GSG1L: variants seen among roughly 807,000 people sequenced by gnomAD.
GSG1L encodes the protein germ cell-specific gene 1-like protein.
Under a neutral mutation model 42.1 loss-of-function variants are expected in GSG1L, and 24 were observed. That is an observed-to-expected ratio of 0.57 (90% CI 0.41 to 0.80). The LOEUF is 0.80. Among genes scored for constraint, GSG1L ranks in the 30% least tolerant of loss-of-function variants. GSG1L has a pLI of 0.00. For missense variants in GSG1L, 445 were observed against 472.2 expected, an observed-to-expected ratio of 0.94 and a Z score of 0.53; for synonymous variants, 215 against 203.5, an observed-to-expected ratio of 1.06 and a Z score of -0.48.
intron 3 of GSG1L, among the ~76,000 whole-genome samples, chr16:27,860,129 C>T (rs1302644505): frequency 1.3e-5 from 2 of 152,196 alleles, no homozygotes; most frequent in Non-Finnish European, 2.9e-5. Context: ...TGCTGAGAAA[C>T]AGGCAAGAGA....
chr16:27,865,639 ATG>A (rs1192603680), intron 3 of GSG1L, among the ~76,000 whole-genome samples: 1 of 145,408 alleles, frequency 6.9e-6, no homozygotes, highest in African/African-American at 2.5e-5. Flanking sequence ...GTGTGTATAT[ATG>A]TGTGTGTATG....
At chr16:27,837,451 G>A (rs564731947) in intron 4 of GSG1L, among the ~76,000 whole-genome samples, 12 of 152,284 alleles carry the variant, frequency 7.9e-5, no homozygotes, top group African/African-American at 2.6e-4. Flanking sequence ...GGGGGTGGGA[G>A]TTCTGACTCC....
chr16:27,887,976 C>G, intron 2 of GSG1L: 2 of 498,950 alleles, frequency 4.0e-6, no homozygotes, highest in Non-Finnish European at 5.2e-6. Flanking sequence ...CAGCGGGGAG[C>G]AAAGCAGGAA....
At chr16:27,965,083 A>G (rs1390757770) in intron 1 of GSG1L, among the ~76,000 whole-genome samples, 1 of 152,138 alleles carries the variant, frequency 6.6e-6, no homozygotes, top group African/African-American at 2.4e-5. Context: ...CAGTGGTGCA[A>G]TCTCGGCTCA....
intron 6 of GSG1L, among the ~76,000 whole-genome samples, chr16:27,802,044 C>A (rs997193351): frequency 6.6e-6 from 1 of 152,016 alleles, no homozygotes; most frequent in Non-Finnish European, 1.5e-5. Flanking sequence ...CTGGCTAAGT[C>A]CCCCCTTCCT....
At chr16:28,041,405 T>C (rs999884310) in intron 1 of GSG1L, among the ~76,000 whole-genome samples, 1 of 151,904 alleles carries the variant, frequency 6.6e-6, no homozygotes, top group African/African-American at 2.4e-5. Flanking sequence ...TGAGCTGCGA[T>C]CACACCACTG....
intron 3 of GSG1L, among the ~76,000 whole-genome samples, chr16:27,871,129 G>C (rs951700663): frequency 6.6e-6 from 1 of 152,118 alleles, no homozygotes; most frequent in Non-Finnish European, 1.5e-5. Context: ...GCCAGTCCTG[G>C]AGTCACTGTC....
intron 3 of GSG1L, among the ~76,000 whole-genome samples, chr16:27,865,564 TATATATATACACAC>T (rs1311970916): frequency 0.033 from 653 of 19,576 alleles, 37 homozygotes; most frequent in African/African-American, 0.096. Flanking sequence ...TATATATATA[TATATATATACACAC>T]ACACATACAT....
intron 2 of GSG1L, among the ~76,000 whole-genome samples, chr16:27,909,955 CTTT>C (rs67729209): frequency 1.5e-5 from 2 of 129,910 alleles, no homozygotes; most frequent in Non-Finnish European, 1.7e-5. Flanking sequence ...TCTTTTCTTT[CTTT>C]TTTTTTTTTT....
chr16:27,923,562 T>C (rs1296036031), intron 2 of GSG1L, among the ~76,000 whole-genome samples: 1 of 152,014 alleles, frequency 6.6e-6, no homozygotes, highest in African/African-American at 2.4e-5. Context: ...CTGGCCAACA[T>C]GGCGAAACCC....
At chr16:27,988,225 G>A (rs963789677) in intron 1 of GSG1L, among the ~76,000 whole-genome samples, 3 of 151,824 alleles carry the variant, frequency 2.0e-5, no homozygotes, top group African/African-American at 7.3e-5. Flanking sequence ...ATATAAGACA[G>A]TACAAAATTA....
chr16:27,946,667 A>G lies in GSG1L; in HGVS notation c.397+16489T>C, dbSNP rs957909036. On this transcript the variant is annotated intron_variant, in intron 2 of 6. Coordinates refer to ENST00000447459, the MANE Select transcript of GSG1L (RefSeq NM_001109763.2). ...AGAAAGAAAGAAAGAAAAGAAAGAA[A>G]GAAAGAAAGAAAGAAAGAAAGAAAG... 2.0e-4 allele frequency among the ~76,000 whole-genome samples: 29 copies of G among 143,724 alleles called. 2 individuals carry two copies. The highest frequency in any genetic ancestry group is 7.0e-4 in the African/African-American group (26 of 37,320). 94.3% of individuals were successfully genotyped at this position (143,724 alleles called of 152,430 possible). A position where few individuals can be genotyped will look rare whatever the true frequency, so the allele number is the denominator to read the frequency against.
At chr16:28,043,899 G>A (rs1187513474) in intron 1 of GSG1L, among the ~76,000 whole-genome samples, 2 of 152,036 alleles carry the variant, frequency 1.3e-5, no homozygotes, top group Admixed American at 1.3e-4. Flanking sequence ...GCACATGCCT[G>A]TAGTCCCAGC....
At chr16:27,993,023 T>A (rs918399964) in intron 1 of GSG1L, among the ~76,000 whole-genome samples, 3 of 152,220 alleles carry the variant, frequency 2.0e-5, no homozygotes, top group Non-Finnish European at 4.4e-5. Flanking sequence ...CTAATTCTCA[T>A]AATAACTATA....
intron 1 of GSG1L, among the ~76,000 whole-genome samples, chr16:28,055,157 T>C (rs532720361): frequency 2.0e-5 from 3 of 152,232 alleles, no homozygotes; most frequent in South Asian, 4.2e-4. Flanking sequence ...ATTCTATTTT[T>C]ATTTTTATTT....
intron 1 of GSG1L, among the ~76,000 whole-genome samples, chr16:28,061,690 C>T (rs1362016714): frequency 3.9e-5 from 6 of 152,158 alleles, no homozygotes; most frequent in Admixed American, 3.9e-4. Flanking sequence ...AAAACAGGCC[C>T]CAGAAAATGT....
rs1567542832 is a variant in GSG1L, at chr16:27,979,687, G to GGAAGGA, written c.350-16485_350-16484insTCCTTC. ...AGAGAGAGAGAGAGAGAGAAAGAAA[G>GGAAGGA]AAGGAAGGAAGGAAGGAAGGAAGGA... On this transcript the variant is annotated intron_variant, in intron 1 of 6. Transcript: ENST00000447459. 2.5e-3 allele frequency among the ~76,000 whole-genome samples: 61 copies of GGAAGGA among 24,642 alleles called. 1 individual carries two copies. The East Asian group carries it at 0.029, about 12-fold the overall frequency. The allele number at this position is 24,642 out of a possible 152,430, so 16.2% of individuals were successfully genotyped here.
At chr16:27,999,580 A>G (rs1485453230) in intron 1 of GSG1L, among the ~76,000 whole-genome samples, 2 of 152,180 alleles carry the variant, frequency 1.3e-5, no homozygotes, top group Non-Finnish European at 2.9e-5. Context: ...ACTCATACCT[A>G]ATATTTATTG....
chr16:27,954,689 T>C (rs1177239090), intron 2 of GSG1L, among the ~76,000 whole-genome samples: 1 of 152,188 alleles, frequency 6.6e-6, no homozygotes, highest in Non-Finnish European at 1.5e-5. Context: ...GGTTTTGCCC[T>C]GTCACCCAGG....
Sources: allele counts gnomAD v4.1 joint callset (sites outside exome capture counted in the v4.1 genomes callset), GRCh38; gene constraint gnomAD v4.1.1; transcripts MANE v1.5; gene names NCBI Gene and HGNC (gene_info 2026-07-23, HGNC 2026-07-21).